The following DHODH variants were observed in gnomAD, a reference collection of about 807,000 sequenced individuals.
The protein encoded by DHODH is dihydroorotate dehydrogenase (quinone), also known as dihydroorotate dehydrogenase (quinone), mitochondrial.
Under a neutral mutation model 39.7 loss-of-function variants are expected in DHODH, and 30 were observed. The ratio of observed to expected loss-of-function variants is 0.76; its 90% confidence interval spans 0.57 to 1.02. The LOEUF (loss-of-function observed/expected upper bound fraction) is 1.02, where lower values mean the gene tolerates loss of function less well. DHODH is among the 50% of genes least tolerant of loss of function. The pLI, the probability that DHODH is intolerant of heterozygous loss-of-function variation, is 0.00. For missense variants in DHODH, 531 were observed against 520.8 expected, an observed-to-expected ratio of 1.02 and a Z score of -0.19; for synonymous variants, 222 against 213.8, an observed-to-expected ratio of 1.04 and a Z score of -0.34.
intron 1 of DHODH, among the ~76,000 whole-genome samples, chr16:72,010,291 T>G (rs575155315): frequency 2.8e-4 from 42 of 152,248 alleles, no homozygotes; most frequent in Admixed American, 3.9e-4. Flanking sequence ...CGTACTGCCT[T>G]CTGGTTAACT....
chr16:72,022,593 T>C, intron 6 of DHODH, 118 bp downstream of exon 6: 1 of 825,654 alleles, frequency 1.2e-6, no homozygotes, highest in Admixed American at 2.0e-5. Context: ...TATTCAAGGC[T>C]GGTTTGGTGT....
chr16:72,019,184 G>C (rs1597396122), intron 4 of DHODH, among the ~76,000 whole-genome samples: 2 of 152,254 alleles, frequency 1.3e-5, no homozygotes, highest in South Asian at 4.1e-4. Context: ...TTGAACTCCT[G>C]ACCTCAATTG....
intron 4 of DHODH, among the ~76,000 whole-genome samples, 162 bp downstream of exon 4, chr16:72,017,268 G>A (rs2041152376): frequency 6.6e-6 from 1 of 152,222 alleles, no homozygotes; most frequent in South Asian, 2.1e-4. Context: ...GTCCCACACA[G>A]CTTCCAAGAG....
chr16:72,015,766 G>T, intron 3 of DHODH: 1 of 985,470 alleles, frequency 1.0e-6, no homozygotes, highest in South Asian at 4.7e-5. Flanking sequence ...CAGGTGCTGG[G>T]ATGATGGTAC....
At chr16:72,020,349 ATATATG>A (rs1338516216) in intron 4 of DHODH, 2 of 115,844 alleles carry the variant, frequency 1.7e-5, no homozygotes, top group African/African-American at 8.1e-5. Flanking sequence ...ATATATATAT[ATATATG>A]TGTATATATA....
At position 72,024,197 on chromosome 16, in the gene DHODH, T is replaced by G; in HGVS notation, c.1186T>G (p.Ter396GlyextTer69). The stretch of plus-strand genomic sequence containing the variant: ...TGCCATTGGAGCAGATCATCGGAGG[T>G]GAGGACAGCGTCTGACGGGAAGCCT... ...TDAIGADHRR* is the reference protein window; with the variant it reads ...TDAIGADHRRG Residue 396 changes from the stop codon to glycine, a stop_lost, in exon 9 of 9, where the codon TGA becomes GGA. Transcript: ENST00000219240. The G allele has an allele frequency of 6.2e-7, 1 of 1,613,912 alleles. No individual in the cohort carries two copies. The highest frequency in any genetic ancestry group is 8.5e-7 in the Non-Finnish European group (1 of 1,179,970).
Position 72,019,882 on chromosome 16 carries a change from C to T in DHODH, c.518-1242C>T, listed in dbSNP as rs976745058. ...TTTGGCCGGGCATGGTGGCTCACGC[C>T]TGTAATCCTAACACTCTGGAAGGCC... On this transcript the variant is annotated intron_variant, in intron 4 of 8. Transcript: ENST00000219240. 2.6e-5 allele frequency among the ~76,000 whole-genome samples: 4 copies of T among 152,336 alleles called. No individual in the cohort carries two copies. The East Asian group carries it at 7.7e-4, about 29-fold the overall frequency.
intron 4 of DHODH, among the ~76,000 whole-genome samples, chr16:72,017,624 C>G (rs2041156038): frequency 6.6e-6 from 1 of 152,144 alleles, no homozygotes; most frequent in Non-Finnish European, 1.5e-5. Flanking sequence ...GTTTTGGAAA[C>G]TCATTTTTGG....
At position 72,022,858 on chromosome 16, in the gene DHODH, A is replaced by G. The variant is rs12446480; in HGVS notation, c.820-307A>G. ...ACTGAGCCCGGCCATCGTGGGTTCA[A>G]ATCCTGGTTCCACCACTTACTACCT... On this transcript the variant is annotated intron_variant, in intron 6 of 8. Transcript: ENST00000219240. Among the ~76,000 whole-genome samples, 85,045 of 152,006 alleles carry G rather than the reference A, an allele frequency of 0.56. 24,114 individuals are homozygous for G. The highest frequency in any genetic ancestry group is 0.68 in the South Asian group (3,259 of 4,808).
chr16:72,017,170 G>T (rs2041151516), intron 4 of DHODH, 64 bp downstream of exon 4: 2 of 1,506,168 alleles, frequency 1.3e-6, no homozygotes, highest in Non-Finnish European at 1.8e-6. Flanking sequence ...GAGAAATGCT[G>T]GGAACATTTC....
In DHODH at chr16:72,012,972, ATCCTCATGGAAGCTGCT is replaced by A. The variant is rs536572409; in HGVS notation, c.234+724_234+740del. On this transcript the variant is annotated intron_variant, in intron 2 of 8. Coordinates refer to ENST00000219240, the MANE Select transcript of DHODH (RefSeq NM_001361.5). ...CAGCAAACCGAATAAAAGAGTCCCC[ATCCTCATGGAAGCTGCT>A]TCCTCATGGAAGCCTTGGCAGTTTC... is the stretch of plus-strand genomic sequence containing the variant. 7.2e-5 allele frequency among the ~76,000 whole-genome samples: 11 copies of A among 152,292 alleles called. No homozygotes were observed. The South Asian group carries it at 2.3e-3, about 32-fold the overall frequency.
Position 72,025,520 on chromosome 16 carries a change from C to T in DHODH, c.*1321C>T, listed in dbSNP as rs1231391573. 1 of 152,372 alleles carries T rather than the reference C, an allele frequency of 6.6e-6. No individual in the cohort carries two copies. The highest frequency in any genetic ancestry group is 2.4e-5 in the African/African-American group (1 of 41,568). 9.4% of individuals were successfully genotyped at this position (152,372 alleles called of 1,614,324 possible). Reference sequence around the variant, plus strand: ...TGTTGGTGATCACATCGCTAACTTCCGGCGTTTTCCTATCACCATCGGTGC... The same window carrying T: ...TGTTGGTGATCACATCGCTAACTTCTGGCGTTTTCCTATCACCATCGGTGC... On this transcript the variant is annotated 3_prime_UTR_variant, in exon 9 of 9. Transcript: ENST00000219240.
intron 6 of DHODH, 143 bp downstream of exon 6, chr16:72,022,618 C>G (rs970181056): frequency 2.7e-6 from 2 of 729,612 alleles, no homozygotes; most frequent in Non-Finnish European, 4.8e-6. Context: ...CATGGTGTAA[C>G]TCACCCTGTG....
At chr16:72,014,026 T>C (rs1433639910) in intron 2 of DHODH, among the ~76,000 whole-genome samples, 1 of 152,198 alleles carries the variant, frequency 6.6e-6, no homozygotes, top group African/African-American at 2.4e-5. Context: ...CTGATGTTTA[T>C]TAAGCTGATT....
chr16:72,021,773 G>T (rs2041220209), intron 5 of DHODH, among the ~76,000 whole-genome samples: 1 of 152,290 alleles, frequency 6.6e-6, no homozygotes, highest in South Asian at 2.1e-4. Context: ...AGACCAGCCT[G>T]GGCAAAAGAG....
intron 2 of DHODH, among the ~76,000 whole-genome samples, chr16:72,014,236 C>A (rs2041114894): frequency 6.6e-6 from 1 of 152,158 alleles, no homozygotes; most frequent in African/African-American, 2.4e-5. Flanking sequence ...AATAATAAAG[C>A]CCCGTGGTTT....
At chr16:72,013,387 G>A (rs4788456) in intron 2 of DHODH, among the ~76,000 whole-genome samples, 47,033 of 152,034 alleles carry the variant, frequency 0.31, 8,140 homozygotes, top group East Asian at 0.68. Context: ...GTGCCTGAGG[G>A]TGCAAGCTGT....
rs1019451639 is a variant in DHODH, at chr16:72,023,742, T to G, written c.1133+109T>G. On this transcript the variant is annotated intron_variant, in intron 8 of 8. Transcript: ENST00000219240. ...TGTTTCTTATTCATTCAAAAAGGAG[T>G]TGAGGGGTACACTCTGAAGGGGAGA... 10 of 1,490,604 alleles carry G rather than the reference T, an allele frequency of 6.7e-6. No homozygotes were observed. The East Asian group carries it at 1.4e-4, about 21-fold the overall frequency. The allele number at this position is 1,490,604 out of a possible 1,614,324, so 92.3% of individuals were successfully genotyped here. A position where few individuals can be genotyped will look rare whatever the true frequency, so the allele number is the denominator to read the frequency against.
In DHODH at chr16:72,021,317, C is replaced by T. The variant is rs755930158; in HGVS notation, c.705+6C>T. On this transcript the variant is annotated splice_donor_region_variant and intron_variant, in intron 5 of 8. Coordinates refer to ENST00000219240, the MANE Select transcript of DHODH (RefSeq NM_001361.5). ...TGCGCCGCCTGCTGACCAAGGTGGGCAGCTGCACCCCTCTCCAGGCCCTGT... is the reference window on the plus strand; with the variant it reads ...TGCGCCGCCTGCTGACCAAGGTGGGTAGCTGCACCCCTCTCCAGGCCCTGT... 6.9e-6 allele frequency: 11 copies of T among 1,597,900 alleles called. No individual in the cohort carries two copies. Among genetic ancestry groups the T allele is most frequent in the Admixed American group, 5.1e-5 (3 of 58,550 alleles).
Sources: allele counts gnomAD v4.1 joint callset (sites outside exome capture counted in the v4.1 genomes callset), GRCh38; gene constraint gnomAD v4.1.1; transcripts MANE v1.5; gene names NCBI Gene and HGNC (gene_info 2026-07-23, HGNC 2026-07-21).